The following DOCK2 variants were observed in gnomAD, a reference collection of about 807,000 sequenced individuals.
DOCK2 encodes dedicator of cytokinesis protein 2.
DOCK2 carries 87 observed loss-of-function variants against 248.9 expected under a neutral mutation model. The observed-to-expected ratio is 0.35, with a 90% CI of 0.29 to 0.42. The LOEUF is 0.42. Among genes scored for constraint, DOCK2 ranks in the 10% least tolerant of loss-of-function variants. The pLI, the probability that DOCK2 is intolerant of heterozygous loss-of-function variation, is 1.00. For synonymous variants in DOCK2, 805 were observed against 821.6 expected, an observed-to-expected ratio of 0.98 and a Z score of 0.35; for missense variants, 1,747 against 2,300.2, an observed-to-expected ratio of 0.76 and a Z score of 4.92.
In DOCK2 at chr5:169,763,976, C is replaced by T. The variant is rs1291019181; in HGVS notation, c.2554+2351C>T. Reference sequence around the variant, plus strand: ...CCCAAAGGGAAACTTCAGCTCATCCCCTTTCTTAAATCCTCAAGTTCCCAA... The same window carrying T: ...CCCAAAGGGAAACTTCAGCTCATCCTCTTTCTTAAATCCTCAAGTTCCCAA... On this transcript the variant is annotated intron_variant, in intron 25 of 51. Coordinates refer to ENST00000520908, the MANE Select transcript of DOCK2 (RefSeq NM_004946.3). The surrounding 1 kb of genome is among the most constrained non-coding windows in gnomAD (Gnocchi z 4.1). Among the ~76,000 whole-genome samples, 1 of 152,208 alleles carries T rather than the reference C, an allele frequency of 6.6e-6. No individual in the cohort carries two copies. The highest frequency in any genetic ancestry group is 2.1e-4 in the South Asian group (1 of 4,826).
chr5:169,743,698 A>G (rs1763452121), intron 22 of DOCK2, among the ~76,000 whole-genome samples: 2 of 151,958 alleles, frequency 1.3e-5, no homozygotes, highest in South Asian at 2.1e-4. Flanking sequence ...AGCGCTTTAT[A>G]TGAAATAGAT....
In DOCK2 at chr5:169,996,184, G is replaced by A; in HGVS notation, c.3072+20G>A. 1 of 1,612,496 alleles carries A rather than the reference G, an allele frequency of 6.2e-7. No homozygotes were observed. The highest frequency in any genetic ancestry group is 1.1e-5 in the South Asian group (1 of 90,942). On this transcript the variant is annotated intron_variant, in intron 30 of 51. Coordinates refer to ENST00000520908, the MANE Select transcript of DOCK2 (RefSeq NM_004946.3). ...TTCCAGGTGAGTATAAGCCACCAGA[G>A]CTACCCTTGGAGCTGCCCAGGGCGT... is the stretch of plus-strand genomic sequence containing the variant.
At chr5:169,939,005 G>T (rs1158918895) in intron 27 of DOCK2, among the ~76,000 whole-genome samples, 10 of 150,706 alleles carry the variant, frequency 6.6e-5, no homozygotes, top group African/African-American at 2.2e-4. Context: ...CTGGGTTCAC[G>T]CCATTCTCCT....
At chr5:169,891,619 C>T (rs1320044772) in intron 27 of DOCK2, among the ~76,000 whole-genome samples, 1 of 152,046 alleles carries the variant, frequency 6.6e-6, no homozygotes, top group East Asian at 1.9e-4. Context: ...ACCACGAAGA[C>T]AACCCCCCTC....
intron 27 of DOCK2, among the ~76,000 whole-genome samples, chr5:169,890,608 T>G (rs4867899): frequency 0.35 from 52,702 of 152,038 alleles, 10,466 homozygotes; most frequent in Non-Finnish European, 0.44. Flanking sequence ...CTACATTCTG[T>G]TGTAAGTGGT....
intron 27 of DOCK2, among the ~76,000 whole-genome samples, chr5:169,856,441 T>A (rs1770899308): frequency 6.6e-6 from 1 of 152,088 alleles, no homozygotes; most frequent in South Asian, 2.1e-4. Flanking sequence ...TCATCTGAGA[T>A]TTTTGGAGCT....
intron 29 of DOCK2, among the ~76,000 whole-genome samples, chr5:169,993,839 T>C (rs889374936): frequency 2.0e-5 from 3 of 152,160 alleles, no homozygotes; most frequent in Admixed American, 6.5e-5. Context: ...TTCCTGCTCA[T>C]TGGAGCAACT....
intron 8 of DOCK2, among the ~76,000 whole-genome samples, chr5:169,687,138 C>T (rs975216292): frequency 1.3e-5 from 2 of 152,040 alleles, no homozygotes; most frequent in African/African-American, 4.8e-5. Context: ...CACTGAGGGG[C>T]TTGCTACATA....
At chr5:169,687,438 G>A (rs1449720204) in intron 8 of DOCK2, among the ~76,000 whole-genome samples, 3 of 152,100 alleles carry the variant, frequency 2.0e-5, no homozygotes, top group Non-Finnish European at 4.4e-5. Flanking sequence ...CCTTTTAGGG[G>A]TGACTGGAGA....
chr5:169,747,669 C>T (rs543083588), intron 23 of DOCK2, among the ~76,000 whole-genome samples, 165 bp downstream of exon 23: 17 of 152,274 alleles, frequency 1.1e-4, no homozygotes, highest in Admixed American at 2.0e-4. Flanking sequence ...CAAGAGAAAA[C>T]GTATTTATTG....
chr5:169,845,635 A>G (rs1017908772), intron 27 of DOCK2, among the ~76,000 whole-genome samples: 3 of 152,190 alleles, frequency 2.0e-5, no homozygotes, highest in Non-Finnish European at 4.4e-5. Flanking sequence ...TGTTTTCTAA[A>G]TGTGGGAATC....
At chr5:169,882,978 C>A (rs1267264783) in intron 27 of DOCK2, 55 of 1,551,380 alleles carry the variant, frequency 3.5e-5, no homozygotes, top group Non-Finnish European at 4.6e-5. Context: ...AACTGTGAGT[C>A]CGTGGAGATG....
rs1406523985 is a variant in DOCK2 at position 169,764,416 on chromosome 5, G to C, written c.2554+2791G>C. Among the ~76,000 whole-genome samples the C allele has an allele frequency of 6.6e-6, 1 of 152,152 alleles. No homozygotes were observed. Among genetic ancestry groups the C allele is most frequent in the Non-Finnish European group, 1.5e-5 (1 of 68,038 alleles). ...GGACGGTGGTTCTTGGGTCACACTA[G>C]ACCCGAGTTTACTTCCTGGTTCAGC... On this transcript the variant is annotated intron_variant, in intron 25 of 51. Transcript: ENST00000520908. This position sits in a 1 kb window ranked among gnomAD's most constrained non-coding sequence, Gnocchi z 4.3.
chr5:169,860,854 C>A (rs949976706), intron 27 of DOCK2, among the ~76,000 whole-genome samples: 5 of 152,196 alleles, frequency 3.3e-5, no homozygotes, highest in African/African-American at 9.7e-5. Context: ...GGCTTAGCAG[C>A]CTCAATAGCA....
chr5:169,826,326 C>A (rs1768855859), intron 26 of DOCK2, among the ~76,000 whole-genome samples: 1 of 152,064 alleles, frequency 6.6e-6, no homozygotes, highest in Admixed American at 6.6e-5. Context: ...TCAGTTTTTC[C>A]CTGGTGAACA....
In DOCK2 at chr5:169,757,966, C is replaced by T. The variant is rs116797431; in HGVS notation, c.2377-1739C>T. Among the ~76,000 whole-genome samples, 754 of 152,316 alleles carry T rather than the reference C, an allele frequency of 5.0e-3. 2 individuals carry two copies. Among genetic ancestry groups the T allele is most frequent in the African/African-American group, 0.015 (633 of 41,570 alleles). ...TTACTGTATCTTCCAAGGTAATTGACAATCTCTCCTAAAATGTATATGTCT... is the reference window on the plus strand; with the variant it reads ...TTACTGTATCTTCCAAGGTAATTGATAATCTCTCCTAAAATGTATATGTCT... On this transcript the variant is annotated intron_variant, in intron 23 of 51. Coordinates refer to ENST00000520908, the MANE Select transcript of DOCK2 (RefSeq NM_004946.3).
At chr5:169,681,943 A>C in intron 7 of DOCK2, 64 bp downstream of exon 7, 1 of 1,587,086 alleles carries the variant, frequency 6.3e-7, no homozygotes, top group Non-Finnish European at 8.6e-7. Flanking sequence ...TAAACTTAAA[A>C]TAATGGGCTA....
intron 2 of DOCK2, among the ~76,000 whole-genome samples, chr5:169,668,393 G>A (rs1444732234): frequency 6.6e-6 from 1 of 152,132 alleles, no homozygotes; most frequent in African/African-American, 2.4e-5. Context: ...TGGCCGTCAG[G>A]CTGGCTCATG....
chr5:169,883,259 A>T, intron 27 of DOCK2: 1 of 1,551,630 alleles, frequency 6.4e-7, no homozygotes, highest in East Asian at 2.4e-5. Flanking sequence ...CTAGCTTCCC[A>T]GGAAGGACTG....
Sources: gnomAD v4.1 joint callset for allele counts (sites outside exome capture counted in the v4.1 genomes callset) on GRCh38, gnomAD v4.1.1 for gene constraint, Gnocchi (gnomAD v3.1) non-coding constraint, MANE v1.5 for transcripts, NCBI Gene and HGNC (gene_info 2026-07-23, HGNC 2026-07-21) for gene names.